NDUFAF2: variants seen among roughly 807,000 people sequenced by gnomAD.
NDUFAF2 encodes NADH:ubiquinone oxidoreductase complex assembly factor 2, also known as NADH dehydrogenase [ubiquinone] 1 alpha subcomplex assembly factor 2.
A neutral mutation model predicts 22.8 loss-of-function variants in NDUFAF2; 13 were observed. That is an observed-to-expected ratio of 0.57 (90% confidence interval 0.37 to 0.91). The LOEUF (loss-of-function observed/expected upper bound fraction) is 0.91. Among genes scored for constraint, NDUFAF2 ranks in the 40% least tolerant of loss-of-function variants. The probability of loss-of-function intolerance (pLI) is 0.01; values close to 1 mark genes in which losing one functional copy is unlikely to be tolerated. For synonymous variants in NDUFAF2, 53 were observed against 64.2 expected, an observed-to-expected ratio of 0.83 and a Z score of 0.84; for missense variants, 162 against 195.2, an observed-to-expected ratio of 0.83 and a Z score of 1.01.
At chr5:61,129,654 A>AG (rs1753083969) in intron 3 of NDUFAF2, among the ~76,000 whole-genome samples, 1 of 76,102 alleles carries the variant, frequency 1.3e-5, no homozygotes, top group Non-Finnish European at 2.6e-5. Flanking sequence ...GGGTAGGGGG[A>AG]GGGGGGAGGG....
At chr5:61,035,635 A>G (rs1043950153) in intron 1 of NDUFAF2, among the ~76,000 whole-genome samples, 5 of 152,016 alleles carry the variant, frequency 3.3e-5, no homozygotes, top group Admixed American at 3.3e-4. Context: ...AAAAAGGACA[A>G]GACACAAATC....
chr5:61,116,215 G>A (rs563025981), intron 3 of NDUFAF2: 2 of 152,266 alleles, frequency 1.3e-5, no homozygotes, highest in South Asian at 4.1e-4. Flanking sequence ...AGCTTCACCT[G>A]TGGCATCAAA....
chr5:60,961,502 G>T (rs1488249097), intron 1 of NDUFAF2, among the ~76,000 whole-genome samples: 3 of 151,674 alleles, frequency 2.0e-5, no homozygotes, highest in African/African-American at 4.8e-5. Flanking sequence ...GGCTGAGGCA[G>T]GAGAATGGCG....
At chr5:61,111,542 T>C (rs1034126740) in intron 3 of NDUFAF2, among the ~76,000 whole-genome samples, 2 of 152,142 alleles carry the variant, frequency 1.3e-5, no homozygotes, top group African/African-American at 4.8e-5. Context: ...GCTTAAGCGA[T>C]CCTCCCACCT....
At chr5:61,128,218 C>A (rs1007727105) in intron 3 of NDUFAF2, among the ~76,000 whole-genome samples, 1 of 152,136 alleles carries the variant, frequency 6.6e-6, no homozygotes, top group African/African-American at 2.4e-5. Flanking sequence ...AATGGCCATA[C>A]TGCCCAAGGT....
chr5:61,088,663 TA>T (rs372242166), intron 2 of NDUFAF2, among the ~76,000 whole-genome samples: 1 of 152,168 alleles, frequency 6.6e-6, no homozygotes, highest in African/African-American at 2.4e-5. Flanking sequence ...ATTTGTAACT[TA>T]AAGATGCCAA....
chr5:61,067,361 CAT>C (rs1316993978), intron 1 of NDUFAF2, among the ~76,000 whole-genome samples: 1 of 149,456 alleles, frequency 6.7e-6, no homozygotes, highest in Non-Finnish European at 1.5e-5. Flanking sequence ...TTCCTGTGTC[CAT>C]ATGTTTTCAT....
intron 1 of NDUFAF2, among the ~76,000 whole-genome samples, chr5:61,059,820 A>G (rs1414807912): frequency 3.3e-5 from 5 of 152,106 alleles, no homozygotes; most frequent in Non-Finnish European, 7.4e-5. Flanking sequence ...TTACATGTTC[A>G]CATAAGTATA....
intron 1 of NDUFAF2, among the ~76,000 whole-genome samples, chr5:61,015,739 T>A (rs1580095776): frequency 2.0e-5 from 3 of 152,318 alleles, no homozygotes; most frequent in East Asian, 3.9e-4. Context: ...ATTTCCAAGT[T>A]TCTATTTAAA....
chr5:61,023,349 G>A (rs1376589891), intron 1 of NDUFAF2, among the ~76,000 whole-genome samples: 1 of 151,934 alleles, frequency 6.6e-6, no homozygotes, highest in Non-Finnish European at 1.5e-5. Context: ...TACTGGTTTA[G>A]TCATTTTCAG....
At chr5:61,101,800 A>G (rs1279007534) in intron 3 of NDUFAF2, among the ~76,000 whole-genome samples, 2 of 152,174 alleles carry the variant, frequency 1.3e-5, no homozygotes, top group Non-Finnish European at 2.9e-5. Flanking sequence ...ACTCAAAACT[A>G]CAAAATGTTG....
chr5:61,023,110 CCTT>C (rs901091523), intron 1 of NDUFAF2, among the ~76,000 whole-genome samples: 1 of 152,130 alleles, frequency 6.6e-6, no homozygotes, highest in African/African-American at 2.4e-5. Flanking sequence ...GGTGTTCCCC[CCTT>C]CTTCTGTCAT....
At chr5:61,081,871 G>A (rs1016246801) in intron 2 of NDUFAF2, among the ~76,000 whole-genome samples, 6 of 152,276 alleles carry the variant, frequency 3.9e-5, no homozygotes, top group Non-Finnish European at 5.9e-5. Flanking sequence ...AATCTGGCAA[G>A]GAACTAAAAT....
intron 1 of NDUFAF2, among the ~76,000 whole-genome samples, chr5:61,064,764 C>T (rs1752208139): frequency 6.6e-6 from 1 of 151,836 alleles, no homozygotes; most frequent in South Asian, 2.1e-4. Flanking sequence ...CAATTAATGC[C>T]TATGTTAAAA....
At chr5:60,969,441 A>T (rs1750799589) in intron 1 of NDUFAF2, among the ~76,000 whole-genome samples, 1 of 152,084 alleles carries the variant, frequency 6.6e-6, no homozygotes, top group Non-Finnish European at 1.5e-5. Flanking sequence ...TATAGTTTTG[A>T]TTTGCATTTC....
At chr5:61,004,372 A>AT (rs1396863806) in intron 1 of NDUFAF2, among the ~76,000 whole-genome samples, 1 of 152,052 alleles carries the variant, frequency 6.6e-6, no homozygotes, top group East Asian at 1.9e-4. Context: ...ACTGAAATTG[A>AT]TTTTTTTAAT....
At chr5:61,054,336 A>T (rs1207687107) in intron 1 of NDUFAF2, among the ~76,000 whole-genome samples, 1 of 152,250 alleles carries the variant, frequency 6.6e-6, no homozygotes, top group Admixed American at 6.5e-5. Flanking sequence ...TAATAGTCCT[A>T]TCAAAATATT....
intron 1 of NDUFAF2, among the ~76,000 whole-genome samples, chr5:61,038,696 T>C (rs576835621): frequency 6.6e-6 from 1 of 152,290 alleles, no homozygotes; most frequent in African/African-American, 2.4e-5. Context: ...AGAAACTGAT[T>C]GGTGTTGGAT....
intron 1 of NDUFAF2, among the ~76,000 whole-genome samples, chr5:61,011,510 A>G (rs896614101): frequency 1.3e-5 from 2 of 152,126 alleles, no homozygotes; most frequent in African/African-American, 4.8e-5. Flanking sequence ...CAGGGAGATT[A>G]GTGGTGCAAA....
Sources: gnomAD v4.1 joint callset for allele counts (sites outside exome capture counted in the v4.1 genomes callset) on GRCh38, gnomAD v4.1.1 for gene constraint, MANE v1.5 for transcripts, NCBI Gene and HGNC (gene_info 2026-07-23, HGNC 2026-07-21) for gene names.